CALML4: variants seen among roughly 807,000 people sequenced by gnomAD.
The protein encoded by CALML4 is calmodulin-like protein 4.
In CALML4, 16 loss-of-function variants were observed where a neutral mutation model predicts 17.9. The observed-to-expected ratio is 0.89, with a 90% confidence interval of 0.61 to 1.36. CALML4 has a LOEUF of 1.36. CALML4 is among the 40% of genes most tolerant of loss of function. The pLI is 0.00. For missense variants in CALML4, 203 were observed against 194.8 expected, an observed-to-expected ratio of 1.04 and a Z score of -0.25; for synonymous variants, 86 against 71.5, an observed-to-expected ratio of 1.20 and a Z score of -1.02.
In CALML4 at chr15:68,205,236, C is replaced by A; in HGVS notation, c.3+9G>T. Reference sequence around the variant, plus strand: ...CCCTGGCCAGGCCGACACAGACCCTCACACTCACCATTCTGGGGCCTCGGC... The same window carrying A: ...CCCTGGCCAGGCCGACACAGACCCTAACACTCACCATTCTGGGGCCTCGGC... On this transcript the variant is annotated intron_variant, in intron 1 of 4. Coordinates refer to ENST00000467889, the MANE Select transcript of CALML4 (RefSeq NM_033429.3). The surrounding 1 kb of genome is among the most constrained non-coding windows in gnomAD (Gnocchi z 4.8). 6.2e-7 allele frequency: 1 copy of A among 1,614,164 alleles called. No individual in the cohort carries two copies. The highest frequency in any genetic ancestry group is 8.5e-7 in the Non-Finnish European group (1 of 1,180,016).
Position 68,192,339 on chromosome 15 carries a change from C to G in CALML4, c.*1676G>C, listed in dbSNP as rs900173621. On this transcript the variant is annotated 3_prime_UTR_variant, in exon 5 of 5. Transcript: ENST00000467889. ...TAAGCACCAGGACCCTTCACTTGTT[C>G]TGGTCCTAGGAGCAGCCCCAGAAAT... 6.6e-6 allele frequency: 1 copy of G among 152,192 alleles called. No individual in the cohort carries two copies. Among genetic ancestry groups the G allele is most frequent in the Non-Finnish European group, 1.5e-5 (1 of 68,034 alleles). The allele number at this position is 152,192 out of a possible 1,614,324, so 9.4% of individuals were successfully genotyped here.
At chr15:68,199,332 G>A (rs2093157152) in intron 3 of CALML4, among the ~76,000 whole-genome samples, 1 of 152,162 alleles carries the variant, frequency 6.6e-6, no homozygotes, top group Admixed American at 6.5e-5. Flanking sequence ...AGATCCCGAG[G>A]TCTGTGAGAT....
At chr15:68,205,949 C>T (rs1176803898), upstream of CALML4, 1 of 159,040 alleles carries the variant, frequency 6.3e-6, no homozygotes, top group Non-Finnish European at 1.4e-5. The surrounding 1 kb of genome is among the most constrained non-coding windows in gnomAD (Gnocchi z 4.8). Context: ...AGTTCAGTTC[C>T]CACCTTCTGA....
At chr15:68,205,990 C>CGGGT (rs1225946819), upstream of CALML4, 1 of 153,082 alleles carries the variant, frequency 6.5e-6, no homozygotes, top group Non-Finnish European at 1.5e-5. This position sits in a 1 kb window ranked among gnomAD's most constrained non-coding sequence, Gnocchi z 4.8. Context: ...GGGCCTGAGC[C>CGGGT]GGGTCTCCAG....
Position 68,194,077 on chromosome 15 carries a change from T to C in CALML4, c.400A>G (p.Asn134Asp), listed in dbSNP as rs1342375035. The change falls in exon 5 of 5, where the codon AAT becomes GAT. Residue 134 changes from asparagine (N) to aspartate (D), a missense_variant. Transcript: ENST00000467889. ...AATTCATCATACTTCACTTTGCCAT[T>C]GGGTTCGATATCTGCTTCCCTGAAG... ...DLFREADIEP[N>D]GKVKYDEFIH... is the part of the protein sequence containing the mutation. 17 of 1,614,084 alleles carry C rather than the reference T, an allele frequency of 1.1e-5. No homozygotes were observed. Among genetic ancestry groups the C allele is most frequent in the Non-Finnish European group, 1.4e-5 (17 of 1,179,922 alleles).
chr15:68,192,090 C>G lies in CALML4; in HGVS notation c.*1925G>C, dbSNP rs1047960774. ...GTACCCTCATTTATTATATCCAGAA[C>G]TTGCTCTTCCTGTGCCATCTAAATC... On this transcript the variant is annotated 3_prime_UTR_variant, in exon 5 of 5. Coordinates refer to ENST00000467889, the MANE Select transcript of CALML4 (RefSeq NM_033429.3). The G allele has an allele frequency of 6.6e-6, 1 of 152,260 alleles. No individual in the cohort carries two copies. The highest frequency in any genetic ancestry group is 2.1e-4 in the South Asian group (1 of 4,834). 9.4% of individuals were successfully genotyped at this position (152,260 alleles called of 1,614,324 possible).
intron 2 of CALML4, among the ~76,000 whole-genome samples, chr15:68,202,806 G>GTTTTTTT (rs2093169500): frequency 1.6e-5 from 2 of 126,226 alleles, no homozygotes; most frequent in African/African-American, 7.5e-5. Flanking sequence ...ACCATGACCG[G>GTTTTTTT]CTTTTTTTTT....
intron 4 of CALML4, among the ~76,000 whole-genome samples, chr15:68,195,227 A>G (rs552555477): frequency 3.4e-4 from 51 of 152,050 alleles, no homozygotes; most frequent in Non-Finnish European, 4.7e-4. Context: ...CCCTGTGTCA[A>G]CTTCCCAGGC....
In CALML4 at chr15:68,205,228, C is replaced by CA. The variant is rs1381533018; in HGVS notation, c.3+16dup. 6.2e-7 allele frequency: 1 copy of CA among 1,614,158 alleles called. No homozygotes were observed. ...GCCCCCAGCCCTGGCCAGGCCGACA[C>CA]AGACCCTCACACTCACCATTCTGGG... is the stretch of plus-strand genomic sequence containing the variant. On this transcript the variant is annotated intron_variant, in intron 1 of 4. Coordinates refer to ENST00000467889, the MANE Select transcript of CALML4 (RefSeq NM_033429.3). This position sits in a 1 kb window ranked among gnomAD's most constrained non-coding sequence, Gnocchi z 4.8.
chr15:68,194,859 C>T (rs752713044), intron 4 of CALML4, among the ~76,000 whole-genome samples: 7 of 151,456 alleles, frequency 4.6e-5, no homozygotes, highest in African/African-American at 9.7e-5. Context: ...TCCCCTAAGC[C>T]GGTGCTCCTC....
At position 68,191,886 on chromosome 15, in the gene CALML4, G is replaced by C. The variant is rs1427995701; in HGVS notation, c.*2129C>G. ...ACTCTGGACCACTGAATCCCTTAAT[G>C]AGCAGGGAGTCCGTGAAGAGGAGCC... On this transcript the variant is annotated 3_prime_UTR_variant, in exon 5 of 5. Transcript: ENST00000467889. 6.6e-6 allele frequency: 1 copy of C among 152,190 alleles called. No homozygotes were observed. Among genetic ancestry groups the C allele is most frequent in the Non-Finnish European group, 1.5e-5 (1 of 68,040 alleles). 9.4% of individuals were successfully genotyped at this position (152,190 alleles called of 1,614,324 possible). A position where few individuals can be genotyped will look rare whatever the true frequency, so the allele number is the denominator to read the frequency against.
In CALML4 at chr15:68,194,845, C is replaced by A. The variant is rs2093136445; in HGVS notation, c.365-733G>T. 2.0e-5 allele frequency among the ~76,000 whole-genome samples: 3 copies of A among 151,870 alleles called. No homozygotes were observed. The South Asian group carries it at 6.2e-4, about 32-fold the overall frequency. On this transcript the variant is annotated intron_variant, in intron 4 of 4. Coordinates refer to ENST00000467889, the MANE Select transcript of CALML4 (RefSeq NM_033429.3). ...TTCGGCCTGCTCCTCACTTGCCTGC[C>A]TTTTCCCCTAAGCCGGTGCTCCTCA...
At chr15:68,195,060 A>AAAATC (rs1555436636) in intron 4 of CALML4, among the ~76,000 whole-genome samples, 1 of 152,134 alleles carries the variant, frequency 6.6e-6, no homozygotes, top group Non-Finnish European at 1.5e-5. Context: ...AAAAAAAAAA[A>AAAATC]AATCACTTCA....
intron 3 of CALML4, chr15:68,198,062 GGCTGGGCTGCTCACCT>G (rs1374848498): frequency 1.9e-5 from 3 of 156,680 alleles, no homozygotes; most frequent in Non-Finnish European, 4.2e-5. Flanking sequence ...CTCAGTCGCA[GGCTGGGCTGCTCACCT>G]GCCTTCCCCT....
At chr15:68,199,479 C>T in intron 3 of CALML4, 62 bp downstream of exon 3, 1 of 1,545,522 alleles carries the variant, frequency 6.5e-7, no homozygotes, top group African/African-American at 1.4e-5. Context: ...TTTCACACCT[C>T]TACTGTCTGC....
At chr15:68,194,470 G>A (rs1052555513) in intron 4 of CALML4, among the ~76,000 whole-genome samples, 27 of 149,788 alleles carry the variant, frequency 1.8e-4, no homozygotes, top group Admixed American at 4.0e-4. Context: ...TGCAACCTCC[G>A]CCTCCCAGGT....
In CALML4 at chr15:68,203,826, G is replaced by A. The variant is rs1287679921; in HGVS notation, c.34+1295C>T. 2.6e-5 allele frequency among the ~76,000 whole-genome samples: 4 copies of A among 152,150 alleles called. No homozygotes were observed. The South Asian group carries it at 8.3e-4, about 32-fold the overall frequency. Reference sequence around the variant, plus strand: ...CCACTTCGCTAGGCCACCCCATCCAGTCTTTCACACACTCATTAAACACTG... The same window carrying A: ...CCACTTCGCTAGGCCACCCCATCCAATCTTTCACACACTCATTAAACACTG... On this transcript the variant is annotated intron_variant, in intron 2 of 4. Coordinates refer to ENST00000467889, the MANE Select transcript of CALML4 (RefSeq NM_033429.3).
rs1021425799 is a variant in CALML4, at chr15:68,200,888, C to T, written c.35-1207G>A. On this transcript the variant is annotated intron_variant, in intron 2 of 4. Coordinates refer to ENST00000467889, the MANE Select transcript of CALML4 (RefSeq NM_033429.3). The surrounding 1 kb of genome is among the most constrained non-coding windows in gnomAD (Gnocchi z 4.3). ...ATGCGCCCCCTCATATTCCCATGTG[C>T]GGACAGGACATTGAGGGCTGGAACA... is the stretch of plus-strand genomic sequence containing the variant. Among the ~76,000 whole-genome samples, 1 of 152,126 alleles carries T rather than the reference C, an allele frequency of 6.6e-6. No individual in the cohort carries two copies. The highest frequency in any genetic ancestry group is 1.5e-5 in the Non-Finnish European group (1 of 68,018).
At chr15:68,205,353 G>C (rs765130759), upstream of CALML4, 33 of 1,613,846 alleles carry the variant, frequency 2.0e-5, no homozygotes, top group Admixed American at 5.0e-5. This position sits in a 1 kb window ranked among gnomAD's most constrained non-coding sequence, Gnocchi z 4.8. Context: ...GTGGAGGCCC[G>C]GGTAATAAAT....
Sources: gnomAD v4.1 joint callset for allele counts (sites outside exome capture counted in the v4.1 genomes callset) on GRCh38, gnomAD v4.1.1 for gene constraint, Gnocchi (gnomAD v3.1) non-coding constraint, MANE v1.5 for transcripts, NCBI Gene and HGNC (gene_info 2026-07-23, HGNC 2026-07-21) for gene names.